Variants in CDIN1 observed in about 807,000 individuals in gnomAD.
CDIN1 encodes the protein CDAN1 interacting nuclease 1.
CDIN1 carries 33 observed loss-of-function variants against 45.3 expected under a neutral mutation model. That is an observed-to-expected ratio of 0.73 (90% CI 0.55 to 0.97). The LOEUF (loss-of-function observed/expected upper bound fraction) is 0.97, where lower values mean the gene tolerates loss of function less well. Among genes scored for constraint, CDIN1 ranks in the 50% least tolerant of loss-of-function variants. The probability of loss-of-function intolerance (pLI) is 0.00; values close to 1 mark genes in which losing one functional copy is unlikely to be tolerated. For missense variants in CDIN1, 303 were observed against 339.4 expected (o/e 0.89, Z 0.84); for synonymous variants, 118 against 124.4 (o/e 0.95, Z 0.34).
At chr15:36,722,978 TG>T (rs1566930797) in intron 10 of CDIN1, among the ~76,000 whole-genome samples, 54 of 134,428 alleles carry the variant, frequency 4.0e-4, no homozygotes, top group Admixed American at 1.2e-3. Flanking sequence ...TGTGTGTGTG[TG>T]TGTGTGTTTC....
At chr15:36,705,879 T>C (rs1312824092) in intron 8 of CDIN1, 1 of 152,180 alleles carries the variant, frequency 6.6e-6, no homozygotes, top group Admixed American at 6.6e-5. Context: ...TCCCAACCAT[T>C]TGTGGAAGTC....
intron 10 of CDIN1, chr15:36,804,619 C>T (rs1270364811): frequency 1.4e-5 from 2 of 147,872 alleles, no homozygotes; most frequent in Non-Finnish European, 3.0e-5. Context: ...TTAGTTCCAT[C>T]GTCTCTGATT....
intron 1 of CDIN1, among the ~76,000 whole-genome samples, chr15:36,583,406 C>T (rs12708541): frequency 0.36 from 55,015 of 151,930 alleles, 10,132 homozygotes; most frequent in Middle Eastern, 0.46. Flanking sequence ...CTTGTTTTGA[C>T]TGAAGTTACA....
At chr15:36,750,184 A>T in intron 10 of CDIN1, among the ~76,000 whole-genome samples, 1 of 152,116 alleles carries the variant, frequency 6.6e-6, no homozygotes, top group African/African-American at 2.4e-5. Context: ...TAAAATTCTT[A>T]GGGAACTACA....
At chr15:36,685,038 A>T (rs2140653453) in intron 5 of CDIN1, among the ~76,000 whole-genome samples, 1 of 152,024 alleles carries the variant, frequency 6.6e-6, no homozygotes, top group East Asian at 1.9e-4. Context: ...CAGCTCCTGG[A>T]TTCATTAATT....
intron 5 of CDIN1, among the ~76,000 whole-genome samples, chr15:36,686,826 TAGTC>T (rs897892556): frequency 1.6e-5 from 1 of 61,908 alleles, no homozygotes; most frequent in South Asian, 5.0e-4. Context: ...GAGAGAGAGG[TAGTC>T]AGGGAGGGAG....
At chr15:36,795,905 A>G (rs2054782671) in intron 10 of CDIN1, among the ~76,000 whole-genome samples, 1 of 151,898 alleles carries the variant, frequency 6.6e-6, no homozygotes, top group African/African-American at 2.4e-5. Context: ...ACCATGTGAA[A>G]TGGTTCTTCC....
At chr15:36,790,321 G>A (rs1168161838) in intron 10 of CDIN1, 1 of 152,204 alleles carries the variant, frequency 6.6e-6, no homozygotes, top group Admixed American at 6.5e-5. Flanking sequence ...TTACTGTTCA[G>A]AAGTCTGGCT....
At chr15:36,741,458 CTTT>C (rs541497919) in intron 10 of CDIN1, among the ~76,000 whole-genome samples, 9 of 130,512 alleles carry the variant, frequency 6.9e-5, no homozygotes, top group Non-Finnish European at 1.2e-4. Context: ...ATTTGAAAAG[CTTT>C]TTTTTTTTTT....
intron 1 of CDIN1, among the ~76,000 whole-genome samples, chr15:36,596,189 ATT>A (rs11342046): frequency 0.21 from 31,750 of 149,794 alleles, 3,466 homozygotes; most frequent in South Asian, 0.34. Flanking sequence ...AAAAAAGCTC[ATT>A]TTTTTTTTTT....
intron 10 of CDIN1, among the ~76,000 whole-genome samples, chr15:36,737,543 T>C (rs1019793389): frequency 1.3e-5 from 2 of 152,158 alleles, no homozygotes; most frequent in African/African-American, 4.8e-5. Flanking sequence ...TTCTGCTAGC[T>C]CCCTTTTCTC....
chr15:36,718,881 C>A (rs2140871947), intron 10 of CDIN1, among the ~76,000 whole-genome samples: 1 of 136,230 alleles, frequency 7.3e-6, no homozygotes, highest in East Asian at 2.2e-4. Flanking sequence ...GACATTGTTG[C>A]CTCACTGCTG....
intron 5 of CDIN1, among the ~76,000 whole-genome samples, chr15:36,682,045 A>C (rs1336868326): frequency 1.3e-5 from 2 of 152,142 alleles, no homozygotes; most frequent in East Asian, 3.8e-4. Flanking sequence ...AGAGTTCTCC[A>C]GAGAAACAGA....
intron 1 of CDIN1, among the ~76,000 whole-genome samples, chr15:36,602,825 A>G (rs1272729101): frequency 1.3e-5 from 2 of 152,080 alleles, no homozygotes; most frequent in Non-Finnish European, 2.9e-5. Context: ...AAAAAAAAAT[A>G]TATATACAAA....
chr15:36,583,707 A>T (rs1362242770), intron 1 of CDIN1, among the ~76,000 whole-genome samples: 1 of 152,198 alleles, frequency 6.6e-6, no homozygotes, highest in Non-Finnish European at 1.5e-5. Context: ...TCATAATAAC[A>T]TCACCAAACT....
At chr15:36,707,505 T>G (rs189500562) in intron 8 of CDIN1, 1 of 151,814 alleles carries the variant, frequency 6.6e-6, no homozygotes. Flanking sequence ...GTTAGTAATT[T>G]TGGTGCAGTG....
At chr15:36,590,998 CAGAT>C (rs1419943973) in intron 1 of CDIN1, among the ~76,000 whole-genome samples, 1 of 152,160 alleles carries the variant, frequency 6.6e-6, no homozygotes, top group African/African-American at 2.4e-5. Flanking sequence ...TGATTATTCT[CAGAT>C]AGAACTTTGT....
intron 8 of CDIN1, among the ~76,000 whole-genome samples, chr15:36,700,392 T>C (rs1261167920): frequency 6.6e-6 from 1 of 152,146 alleles, no homozygotes; most frequent in African/African-American, 2.4e-5. Context: ...ATTGTCTCGA[T>C]AATGAAAATA....
intron 10 of CDIN1, among the ~76,000 whole-genome samples, chr15:36,726,184 G>A (rs924042575): frequency 6.6e-6 from 1 of 152,106 alleles, no homozygotes; most frequent in African/African-American, 2.4e-5. Flanking sequence ...TCATATCACT[G>A]CACTTTTCAG....
Sources: allele counts gnomAD v4.1 joint callset (sites outside exome capture counted in the v4.1 genomes callset), GRCh38; gene constraint gnomAD v4.1.1; transcripts MANE v1.5; gene names NCBI Gene and HGNC (gene_info 2026-07-23, HGNC 2026-07-21).